Variants in CFAP299 observed in about 807,000 individuals in gnomAD.
CFAP299 encodes the protein cilia and flagella associated protein 299.
CFAP299 carries 21 observed loss-of-function variants against 27.0 expected under a neutral mutation model. The observed-to-expected ratio is 0.78, with a 90% CI of 0.55 to 1.12. CFAP299 has a LOEUF of 1.12. CFAP299 is among the 50% of genes most tolerant of loss of function. The pLI is 0.00. For missense variants in CFAP299, 310 were observed against 276.6 expected (o/e 1.12, Z -0.86); for synonymous variants, 104 against 98.1 (o/e 1.06, Z -0.36).
chr4:80,794,544 C>T (rs1727746321), intron 3 of CFAP299, among the ~76,000 whole-genome samples: 1 of 152,118 alleles, frequency 6.6e-6, no homozygotes, highest in Non-Finnish European at 1.5e-5. Context: ...AAGACCATTC[C>T]ACTGTTCTAT....
At chr4:80,473,780 C>G (rs906650931) in intron 2 of CFAP299, among the ~76,000 whole-genome samples, 3 of 152,050 alleles carry the variant, frequency 2.0e-5, no homozygotes, top group Non-Finnish European at 4.4e-5. Flanking sequence ...TTTGTAGAGA[C>G]AGGATCTCAC....
At chr4:80,684,266 CT>C (rs1379945530) in intron 3 of CFAP299, among the ~76,000 whole-genome samples, 785 of 28,530 alleles carry the variant, frequency 0.028, 7 homozygotes, top group East Asian at 0.089. Flanking sequence ...AAGATGACTT[CT>C]TTTTTTTGGG....
chr4:80,811,756 G>A (rs191210679), intron 3 of CFAP299, among the ~76,000 whole-genome samples: 5 of 152,218 alleles, frequency 3.3e-5, no homozygotes, highest in Admixed American at 2.6e-4. Context: ...TGACACTTGA[G>A]ACGTGGGGAG....
At chr4:80,420,419 T>C in intron 2 of CFAP299, 1 of 276,654 alleles carries the variant, frequency 3.6e-6, no homozygotes, top group Non-Finnish European at 7.5e-6. Flanking sequence ...TTTTTATTTT[T>C]TTCATCACCA....
At chr4:80,784,478 C>CTCTT (rs376395351) in intron 3 of CFAP299, among the ~76,000 whole-genome samples, 118 of 151,716 alleles carry the variant, frequency 7.8e-4, no homozygotes, top group African/African-American at 1.5e-3. Flanking sequence ...ACTTCTTGGC[C>CTCTT]TCTTTCTTTC....
intron 3 of CFAP299, among the ~76,000 whole-genome samples, chr4:80,591,442 G>GAAAC (rs1223018704): frequency 6.6e-6 from 1 of 152,072 alleles, no homozygotes; most frequent in African/African-American, 2.4e-5. Context: ...TGTTTACAAA[G>GAAAC]AAACAAACAA....
chr4:80,641,883 A>G (rs748399768), intron 3 of CFAP299, among the ~76,000 whole-genome samples: 2 of 152,240 alleles, frequency 1.3e-5, no homozygotes, highest in Non-Finnish European at 2.9e-5. Context: ...CACATGAAGT[A>G]CAATTTGACA....
intron 3 of CFAP299, among the ~76,000 whole-genome samples, chr4:80,759,372 G>A (rs575068293): frequency 1.5e-4 from 23 of 152,224 alleles, no homozygotes; most frequent in Admixed American, 3.3e-4. Context: ...GGTAGTTTAA[G>A]GTCTGATTAA....
At position 80,817,278 on chromosome 4, in the gene CFAP299, T is replaced by G. The variant is rs1729469082; in HGVS notation, c.334-52715T>G. On this transcript the variant is annotated intron_variant, in intron 3 of 5. Coordinates refer to ENST00000358105, the MANE Select transcript of CFAP299 (RefSeq NM_152770.3). The stretch of plus-strand genomic sequence containing the variant: ...CAGCTTCTCCCTCTGCCTCTATATA[T>G]TAAGAATATATTACATAGTATATTA... 2.0e-5 allele frequency among the ~76,000 whole-genome samples: 3 copies of G among 152,024 alleles called. No individual in the cohort carries two copies. In the South Asian group the frequency reaches 6.3e-4, roughly 32 times the overall value.
intron 4 of CFAP299, among the ~76,000 whole-genome samples, chr4:80,875,739 G>A (rs1733340828): frequency 1.3e-5 from 2 of 151,708 alleles, no homozygotes; most frequent in Admixed American, 6.6e-5. Context: ...CTCAGATGGG[G>A]CATATTTTTA....
At chr4:80,458,742 C>G (rs1353200245) in intron 2 of CFAP299, among the ~76,000 whole-genome samples, 1 of 152,080 alleles carries the variant, frequency 6.6e-6, no homozygotes, top group Non-Finnish European at 1.5e-5. Flanking sequence ...CAGGATCTCC[C>G]CAAAAATTCA....
chr4:80,944,858 C>G lies in CFAP299; in HGVS notation c.525C>G (p.Asn175Lys), dbSNP rs1399294047. Residue 175 changes from asparagine (N) to lysine (K), a missense_variant, in exon 5 of 6, where the codon AAC becomes AAG. Asn to Lys is a moderately conservative substitution (Grantham distance 94). Coordinates refer to ENST00000358105, the MANE Select transcript of CFAP299 (RefSeq NM_152770.3). Reference protein sequence around the residue: ...ADIAVSNSSPNYQVIADNPEG... With the variant: ...ADIAVSNSSPKYQVIADNPEG... ...TTGCTGTTAGTAATTCAAGTCCCAACTATCAAGTGATTGCCGATAATCCAG... is the reference window on the plus strand; with the variant it reads ...TTGCTGTTAGTAATTCAAGTCCCAAGTATCAAGTGATTGCCGATAATCCAG... The G allele has an allele frequency of 1.7e-5, 27 of 1,611,542 alleles. No homozygotes were observed. The Admixed American group carries it at 4.5e-4, about 27-fold the overall frequency.
chr4:80,327,032 C>A, the CFAP299 span, among the ~76,000 whole-genome samples: 1 of 152,104 alleles, frequency 6.6e-6, no homozygotes, highest in Non-Finnish European at 1.5e-5. Flanking sequence ...GATCACTAGG[C>A]AGACGTTATC....
At chr4:80,892,344 C>T (rs1019146614) in intron 4 of CFAP299, among the ~76,000 whole-genome samples, 1 of 152,084 alleles carries the variant, frequency 6.6e-6, no homozygotes, top group Non-Finnish European at 1.5e-5. Flanking sequence ...TCACTGTATA[C>T]AAAAACCAAA....
intron 1 of CFAP299, among the ~76,000 whole-genome samples, chr4:80,354,874 G>A (rs1324088048): frequency 6.6e-6 from 1 of 152,124 alleles, no homozygotes; most frequent in Admixed American, 6.6e-5. Flanking sequence ...TAGCTGCATA[G>A]TGTTCTATGG....
chr4:80,924,534 G>A (rs1578242257), intron 4 of CFAP299, among the ~76,000 whole-genome samples: 1 of 131,998 alleles, frequency 7.6e-6, no homozygotes, highest in Admixed American at 7.4e-5. Context: ...GTGTGTGTGT[G>A]TGTGTATATA....
chr4:80,776,945 G>T lies in CFAP299; in HGVS notation c.334-93048G>T, dbSNP rs1040367243. Among the ~76,000 whole-genome samples the T allele has an allele frequency of 2.8e-4, 42 of 150,338 alleles. 1 individual carries two copies. Among genetic ancestry groups the T allele is most frequent in the Non-Finnish European group, 5.9e-5 (4 of 67,750 alleles). On this transcript the variant is annotated intron_variant, in intron 3 of 5. Coordinates refer to ENST00000358105, the MANE Select transcript of CFAP299 (RefSeq NM_152770.3). Reference sequence around the variant, plus strand: ...GATTATAACCCTATAAATAAAATAGGTTATATACTCTTGAAATCTCTTCCA... The same window carrying T: ...GATTATAACCCTATAAATAAAATAGTTTATATACTCTTGAAATCTCTTCCA...
chr4:80,514,148 A>G (rs1299435958), intron 2 of CFAP299, among the ~76,000 whole-genome samples: 2 of 152,056 alleles, frequency 1.3e-5, no homozygotes, highest in Non-Finnish European at 2.9e-5. Flanking sequence ...ATGGTCAAAG[A>G]GATTTTTTAT....
chr4:80,497,579 C>T (rs75583991), intron 2 of CFAP299, among the ~76,000 whole-genome samples: 4,882 of 151,900 alleles, frequency 0.032, 147 homozygotes, highest in South Asian at 0.095. Flanking sequence ...ATTTTGTTAC[C>T]ATTTGGGTAT....
Sources: gnomAD v4.1 joint callset for allele counts (sites outside exome capture counted in the v4.1 genomes callset) on GRCh38, gnomAD v4.1.1 for gene constraint, MANE v1.5 for transcripts, NCBI Gene and HGNC (gene_info 2026-07-23, HGNC 2026-07-21) for gene names.